PDE7B: variants seen among roughly 807,000 people sequenced by gnomAD.
PDE7B encodes phosphodiesterase 7B.
A neutral mutation model predicts 56.2 loss-of-function variants in PDE7B; 29 were observed. The ratio of observed to expected loss-of-function variants is 0.52; its 90% CI spans 0.38 to 0.70. The LOEUF (loss-of-function observed/expected upper bound fraction) is 0.70, where lower values mean the gene tolerates loss of function less well. Ranked by LOEUF, PDE7B falls within the 30% of genes least tolerant of loss-of-function variation. PDE7B has a pLI of 0.00. For synonymous variants in PDE7B, 197 were observed against 196.9 expected, an observed-to-expected ratio of 1.00 and a Z score of 0.00; for missense variants, 490 against 565.0, an observed-to-expected ratio of 0.87 and a Z score of 1.35.
intron 3 of PDE7B, among the ~76,000 whole-genome samples, chr6:136,109,349 G>A (rs1193571009): frequency 6.6e-6 from 1 of 152,174 alleles, no homozygotes; most frequent in Non-Finnish European, 1.5e-5. Context: ...TATAAAAAGT[G>A]TAAGTCTCAA....
At chr6:136,089,610 C>CTG (rs762507230) in intron 2 of PDE7B, among the ~76,000 whole-genome samples, 1 of 152,092 alleles carries the variant, frequency 6.6e-6, no homozygotes, top group Admixed American at 6.6e-5. Context: ...TATATTGACA[C>CTG]TGTTGTAGAT....
chr6:136,019,447 C>T (rs963650350), intron 2 of PDE7B, among the ~76,000 whole-genome samples: 14 of 152,004 alleles, frequency 9.2e-5, no homozygotes, highest in Admixed American at 8.5e-4. Flanking sequence ...GGGCTGGCAT[C>T]GACACTGTAA....
chr6:136,024,107 A>T (rs568143029), intron 2 of PDE7B, among the ~76,000 whole-genome samples: 1 of 152,332 alleles, frequency 6.6e-6, no homozygotes, highest in Admixed American at 6.5e-5. Context: ...ATTCTGTTAT[A>T]ATGGGTTTCT....
At chr6:136,009,162 T>G (rs896317036) in intron 2 of PDE7B, among the ~76,000 whole-genome samples, 3 of 152,108 alleles carry the variant, frequency 2.0e-5, no homozygotes, top group African/African-American at 7.2e-5. Flanking sequence ...TGGCATTATT[T>G]CTGAGGGCTC....
intron 1 of PDE7B, among the ~76,000 whole-genome samples, chr6:135,881,705 G>T (rs1775614782): frequency 3.9e-5 from 6 of 152,316 alleles, no homozygotes; most frequent in South Asian, 4.1e-4. Flanking sequence ...ACAGACATCA[G>T]AATTGAATCC....
intron 1 of PDE7B, among the ~76,000 whole-genome samples, chr6:135,914,941 C>A (rs1034294538): frequency 6.6e-6 from 1 of 151,546 alleles, no homozygotes; most frequent in Admixed American, 6.6e-5. Context: ...AAAAGTACAA[C>A]AATTAGCCAG....
chr6:136,002,287 A>T (rs543635883), intron 2 of PDE7B, among the ~76,000 whole-genome samples: 1 of 152,338 alleles, frequency 6.6e-6, no homozygotes, highest in East Asian at 1.9e-4. Flanking sequence ...AAGAAACTGC[A>T]TCAACTAATG....
intron 2 of PDE7B, among the ~76,000 whole-genome samples, chr6:136,061,906 T>C (rs562387793): frequency 6.6e-6 from 1 of 152,310 alleles, no homozygotes; most frequent in African/African-American, 2.4e-5. Flanking sequence ...ATTTTTAAGT[T>C]AGTACAATTC....
At chr6:136,018,624 A>G (rs1776017671) in intron 2 of PDE7B, among the ~76,000 whole-genome samples, 1 of 152,162 alleles carries the variant, frequency 6.6e-6, no homozygotes, top group Non-Finnish European at 1.5e-5. Flanking sequence ...AAGTAACTCA[A>G]AACAAAATAA....
At chr6:136,075,925 G>C (rs1436348793) in intron 2 of PDE7B, among the ~76,000 whole-genome samples, 1 of 152,130 alleles carries the variant, frequency 6.6e-6, no homozygotes, top group Non-Finnish European at 1.5e-5. Flanking sequence ...TCTTTGCAGG[G>C]ATGACATGTT....
chr6:136,120,264 A>G (rs1363505193), intron 3 of PDE7B, among the ~76,000 whole-genome samples: 2 of 152,144 alleles, frequency 1.3e-5, no homozygotes, highest in East Asian at 1.9e-4. Flanking sequence ...TCTGACAGGT[A>G]TTTACTGAGC....
At chr6:136,077,297 AGAGT>A (rs1159504673) in intron 2 of PDE7B, among the ~76,000 whole-genome samples, 2 of 152,222 alleles carry the variant, frequency 1.3e-5, no homozygotes, top group African/African-American at 4.8e-5. Flanking sequence ...AACACACAGA[AGAGT>A]GAGCAAGCTA....
chr6:136,004,313 T>C (rs1440271728), intron 2 of PDE7B, among the ~76,000 whole-genome samples: 1 of 152,246 alleles, frequency 6.6e-6, no homozygotes, highest in South Asian at 2.1e-4. Flanking sequence ...TGCCCTCTCT[T>C]ACCACTCCTA....
intron 1 of PDE7B, among the ~76,000 whole-genome samples, chr6:135,895,155 C>CT (rs1195838965): frequency 6.6e-6 from 1 of 151,866 alleles, no homozygotes; most frequent in East Asian, 1.9e-4. Flanking sequence ...TTAGATACAA[C>CT]TTTTTTGAGA....
At chr6:136,110,293 A>G (rs939847900) in intron 3 of PDE7B, among the ~76,000 whole-genome samples, 4 of 151,904 alleles carry the variant, frequency 2.6e-5, no homozygotes, top group Non-Finnish European at 4.4e-5. Flanking sequence ...CTTTCCTTAT[A>G]CCCTGAATGG....
At chr6:136,004,214 G>A (rs1477070972) in intron 2 of PDE7B, among the ~76,000 whole-genome samples, 1 of 152,118 alleles carries the variant, frequency 6.6e-6, no homozygotes, top group Non-Finnish European at 1.5e-5. Context: ...AAAATAGTAA[G>A]AGCTATCTAT....
At chr6:135,897,400 G>C (rs1186105098) in intron 1 of PDE7B, among the ~76,000 whole-genome samples, 2 of 152,072 alleles carry the variant, frequency 1.3e-5, no homozygotes, top group African/African-American at 4.8e-5. Context: ...TAGTGTGCTT[G>C]TCTTTCAAAG....
intron 2 of PDE7B, among the ~76,000 whole-genome samples, chr6:136,055,190 C>G (rs1776709357): frequency 6.6e-6 from 1 of 152,208 alleles, no homozygotes; most frequent in Non-Finnish European, 1.5e-5. Flanking sequence ...CTTAATTTTT[C>G]TCTTTCCATT....
intron 2 of PDE7B, among the ~76,000 whole-genome samples, chr6:135,948,852 T>C (rs1253610432): frequency 1.3e-4 from 2 of 15,468 alleles, no homozygotes; most frequent in African/African-American, 3.8e-4. Context: ...ACTAGATAGA[T>C]AGATAGATAG....
Sources: allele counts gnomAD v4.1 joint callset (sites outside exome capture counted in the v4.1 genomes callset), GRCh38; gene constraint gnomAD v4.1.1; transcripts MANE v1.5; gene names NCBI Gene and HGNC (gene_info 2026-07-23, HGNC 2026-07-21).